Variants in GRIP2 observed in about 807,000 individuals in gnomAD.
GRIP2 encodes the protein glutamate receptor interacting protein 2.
Under a neutral mutation model 108.3 loss-of-function variants are expected in GRIP2, and 58 were observed. That is an observed-to-expected ratio of 0.54 (90% CI 0.43 to 0.67). The LOEUF (loss-of-function observed/expected upper bound fraction) is 0.67. Ranked by LOEUF, GRIP2 falls within the 30% of genes least tolerant of loss-of-function variation. The pLI is 0.00. For synonymous variants in GRIP2, 586 were observed against 598.2 expected, an observed-to-expected ratio of 0.98 and a Z score of 0.30; for missense variants, 1,278 against 1,430.6, an observed-to-expected ratio of 0.89 and a Z score of 1.72.
the GRIP2 span, among the ~76,000 whole-genome samples, chr3:14,601,066 T>TCTCA: frequency 4.6e-4 from 69 of 149,022 alleles, no homozygotes; most frequent in African/African-American, 1.5e-3. Context: ...TCTCTCTCTC[T>TCTCA]CACACACACA....
chr3:14,500,956 A>G (rs1693748960), intron 21 of GRIP2, among the ~76,000 whole-genome samples: 1 of 152,258 alleles, frequency 6.6e-6, no homozygotes, highest in Admixed American at 6.5e-5. Flanking sequence ...GGTATTGCTT[A>G]CACTTGTTAG....
chr3:14,579,955 G>A, the GRIP2 span, among the ~76,000 whole-genome samples: 1 of 152,216 alleles, frequency 6.6e-6, no homozygotes, highest in East Asian at 1.9e-4. Flanking sequence ...TGGGGTGATG[G>A]GGTGAGGCTG....
chr3:14,540,292 C>T lies in GRIP2; in HGVS notation c.17G>A (p.Ser6Asn). ...ACCCGCCTCTCCAGGGGTCTCCCGG[C>T]TGAGCCCACACAGCATGTTCGCTAT... is the stretch of plus-strand genomic sequence containing the variant. MLCGL[S>N]RETPGEADDG... The change falls in exon 1 of 24, where the codon AGC becomes AAC. Residue 6 changes from serine to asparagine, a missense_variant. Physicochemically the swap from Ser to Asn is conservative, Grantham distance 46 (BLOSUM62 1). Coordinates refer to ENST00000621039, the MANE Select transcript of GRIP2 (RefSeq NM_001080423.4). The surrounding 1 kb of genome is among the most constrained non-coding windows in gnomAD (Gnocchi z 4.1). 6.2e-7 allele frequency: 1 copy of T among 1,613,842 alleles called. No individual in the cohort carries two copies. Among genetic ancestry groups the T allele is most frequent in the African/African-American group, 1.3e-5 (1 of 75,026 alleles).
At position 14,493,336 on chromosome 3, in the gene GRIP2, G is replaced by T; in HGVS notation, c.*329C>A. The T allele has an allele frequency of 3.4e-6, 1 of 296,362 alleles. No individual in the cohort carries two copies. Among genetic ancestry groups the T allele is most frequent in the Non-Finnish European group, 6.3e-6 (1 of 159,726 alleles). The allele number at this position is 296,362 out of a possible 1,614,324, so 18.4% of individuals were successfully genotyped here. On this transcript the variant is annotated 3_prime_UTR_variant, in exon 24 of 24. Coordinates refer to ENST00000621039, the MANE Select transcript of GRIP2 (RefSeq NM_001080423.4). Reference sequence around the variant, plus strand: ...CTACATCTTCGACCTCTCCAAGGAGGCCCCACAGAGACCTGGGACAGCCCC... The same window carrying T: ...CTACATCTTCGACCTCTCCAAGGAGTCCCCACAGAGACCTGGGACAGCCCC...
In GRIP2 at chr3:14,511,270, C is replaced by T; in HGVS notation, c.1828G>A (p.Asp610Asn). Residue 610 changes from aspartate (D) to asparagine (N), a missense_variant, in exon 16 of 24, where the codon GAC becomes AAC. Physicochemically the swap from Asp to Asn is conservative, Grantham distance 23. Transcript: ENST00000621039. The surrounding 1 kb of genome is among the most constrained non-coding windows in gnomAD (Gnocchi z 4.1). ...LEPGDKLLAI[D>N]NIRLDNCPME... ...GGGCAGTTGTCCAGGCGGATATTGT[C>T]AATGGCCAGTAGCTTGTCGCCTGGC... The T allele has an allele frequency of 6.2e-7, 1 of 1,613,978 alleles. No homozygotes were observed. Among genetic ancestry groups the T allele is most frequent in the Non-Finnish European group, 8.5e-7 (1 of 1,179,884 alleles).
chr3:14,574,412 C>T, the GRIP2 span: 1 of 743,702 alleles, frequency 1.3e-6, no homozygotes, highest in Non-Finnish European at 2.4e-6. Context: ...GCACCTTGGG[C>T]TGCGAGGCTG....
chr3:14,530,987 T>TTTC (rs1694695858), intron 1 of GRIP2: 1 of 152,204 alleles, frequency 6.6e-6, no homozygotes, highest in Non-Finnish European at 1.5e-5. Flanking sequence ...TTTGCAAAAC[T>TTTC]ACGGAAGACT....
intron 1 of GRIP2, among the ~76,000 whole-genome samples, chr3:14,527,618 G>A (rs2124934399): frequency 6.6e-6 from 1 of 152,236 alleles, no homozygotes; most frequent in African/African-American, 2.4e-5. Context: ...ACCGGGGGAT[G>A]GTGGCTCACA....
In GRIP2 at chr3:14,512,763, G is replaced by C. The variant is rs12106984; in HGVS notation, c.1720+14C>G. On this transcript the variant is annotated intron_variant, in intron 14 of 23. Coordinates refer to ENST00000621039, the MANE Select transcript of GRIP2 (RefSeq NM_001080423.4). The surrounding 1 kb of genome is among the most constrained non-coding windows in gnomAD (Gnocchi z 5.1). ...CTCGCTCCCAGGGGCAAACAGCAGC[G>C]GGAGGAGACTCACAGCTGATGGTGA... The C allele has an allele frequency of 1.2e-6, 2 of 1,610,458 alleles. No individual in the cohort carries two copies. Among genetic ancestry groups the C allele is most frequent in the Non-Finnish European group, 8.5e-7 (1 of 1,177,420 alleles).
chr3:14,518,045 C>A (rs1261566102), intron 9 of GRIP2, 148 bp from the exon 10 acceptor site: 1 of 953,988 alleles, frequency 1.0e-6, no homozygotes, highest in Non-Finnish European at 1.5e-6. Flanking sequence ...TCCCGGACGC[C>A]TACAATGTGC....
chr3:14,489,541 A>G lies in GRIP2; in HGVS notation c.*4124T>C, dbSNP rs1326772135. ...CTCAGGGGTACACAGCAAGTCCATGAAAGAACCTGGATTCGCACCCGGGCC... is the reference window on the plus strand; with the variant it reads ...CTCAGGGGTACACAGCAAGTCCATGGAAGAACCTGGATTCGCACCCGGGCC... On this transcript the variant is annotated 3_prime_UTR_variant, in exon 24 of 24. Transcript: ENST00000621039. The G allele has an allele frequency of 1.3e-5, 2 of 152,330 alleles. No individual in the cohort carries two copies. The highest frequency in any genetic ancestry group is 2.9e-5 in the Non-Finnish European group (2 of 68,076). 9.4% of individuals were successfully genotyped at this position (152,330 alleles called of 1,614,324 possible).
Position 14,523,089 on chromosome 3 carries a change from G to T in GRIP2, c.491-14C>A. On this transcript the variant is annotated splice_polypyrimidine_tract_variant and intron_variant, in intron 5 of 23. Transcript: ENST00000621039. The stretch of plus-strand genomic sequence containing the variant: ...CATGGGCACCTCCTGGACAGGATTT[G>T]ACAAGAAGCAGGAATCATCCACCCA... 6.3e-7 allele frequency: 1 copy of T among 1,588,582 alleles called. No individual in the cohort carries two copies. The highest frequency in any genetic ancestry group is 1.1e-5 in the South Asian group (1 of 88,238).
At chr3:14,508,562 C>T (rs1490280585) in intron 17 of GRIP2, among the ~76,000 whole-genome samples, 1 of 152,114 alleles carries the variant, frequency 6.6e-6, no homozygotes, top group Non-Finnish European at 1.5e-5. Flanking sequence ...TTGGGCATTG[C>T]CCTGCACTTC....
chr3:14,574,722 T>A, the GRIP2 span: 2 of 535,040 alleles, frequency 3.7e-6, no homozygotes, highest in East Asian at 8.2e-5. Context: ...CAAGGTGCCA[T>A]CCCTAATCGA....
Position 14,514,487 on chromosome 3 carries a change from C to A in GRIP2, c.1307-9G>T. On this transcript the variant is annotated splice_polypyrimidine_tract_variant and intron_variant, in intron 11 of 23. Coordinates refer to ENST00000621039, the MANE Select transcript of GRIP2 (RefSeq NM_001080423.4). Reference sequence around the variant, plus strand: ...GCTGGAGGCTAGCGACACTGTAGGACAGGTGGGCCCAGCATTCAGGTGAGC... The same window carrying A: ...GCTGGAGGCTAGCGACACTGTAGGAAAGGTGGGCCCAGCATTCAGGTGAGC... The A allele has an allele frequency of 6.5e-7, 1 of 1,540,102 alleles. No homozygotes were observed. The highest frequency in any genetic ancestry group is 1.2e-5 in the South Asian group (1 of 82,970).
At chr3:14,506,231 C>T (rs552720709) in intron 19 of GRIP2, among the ~76,000 whole-genome samples, 117 of 152,338 alleles carry the variant, frequency 7.7e-4, no homozygotes, top group Non-Finnish European at 1.5e-3. Context: ...CCTCGCCCCC[C>T]CTACCCAGTC....
the GRIP2 span, among the ~76,000 whole-genome samples, chr3:14,593,431 C>T: frequency 1.3e-5 from 2 of 152,202 alleles, no homozygotes; most frequent in Non-Finnish European, 2.9e-5. Flanking sequence ...ACGAGGACAA[C>T]TTACGACCAT....
upstream of GRIP2, among the ~76,000 whole-genome samples, chr3:14,545,885 C>T (rs1325549332): frequency 6.6e-6 from 1 of 152,212 alleles, no homozygotes. Flanking sequence ...CAGCAGTGAA[C>T]AGAGCAGGCA....
At position 14,535,933 on chromosome 3, in the gene GRIP2, C is replaced by T. The variant is rs558442271; in HGVS notation, c.40+4336G>A. 3.3e-5 allele frequency among the ~76,000 whole-genome samples: 5 copies of T among 152,300 alleles called. No homozygotes were observed. The East Asian group carries it at 5.8e-4, about 18-fold the overall frequency. ...TGAGGGCTGGAACAGGCCAAGGGCT[C>T]GATGGAGATGCCTCAAAGCCAGTTA... On this transcript the variant is annotated intron_variant, in intron 1 of 23. Coordinates refer to ENST00000621039, the MANE Select transcript of GRIP2 (RefSeq NM_001080423.4).
Sources: allele counts gnomAD v4.1 joint callset (sites outside exome capture counted in the v4.1 genomes callset), GRCh38; gene constraint gnomAD v4.1.1; non-coding constraint Gnocchi (gnomAD v3.1); transcripts MANE v1.5; gene names NCBI Gene and HGNC (gene_info 2026-07-23, HGNC 2026-07-21).